Variants in KCNQ5 observed in about 807,000 individuals in gnomAD.
KCNQ5 encodes the protein potassium voltage-gated channel subfamily KQT member 5.
In KCNQ5, 30 loss-of-function variants were observed where a neutral mutation model predicts 98.2. The ratio of observed to expected loss-of-function variants is 0.31; its 90% CI spans 0.23 to 0.41. KCNQ5 has a LOEUF of 0.41. KCNQ5 is among the 10% of genes least tolerant of loss of function. The pLI, the probability that KCNQ5 is intolerant of heterozygous loss-of-function variation, is 1.00. For missense variants in KCNQ5, 835 were observed against 1,182.5 expected (o/e 0.71, Z 4.31); for synonymous variants, 458 against 449.4 (o/e 1.02, Z -0.24).
intron 2 of KCNQ5, among the ~76,000 whole-genome samples, chr6:73,038,011 G>T (rs1046504071): frequency 6.6e-6 from 1 of 151,826 alleles, no homozygotes; most frequent in African/African-American, 2.4e-5. Context: ...TCATAAACAC[G>T]GTATTTCTCC....
intron 2 of KCNQ5, among the ~76,000 whole-genome samples, chr6:73,023,807 T>C (rs1053570375): frequency 5.9e-5 from 9 of 152,198 alleles, no homozygotes; most frequent in African/African-American, 2.2e-4. Context: ...TGGATTAACA[T>C]TGCATTGAGG....
chr6:73,081,175 T>C (rs1367172382), intron 5 of KCNQ5, among the ~76,000 whole-genome samples: 2 of 152,088 alleles, frequency 1.3e-5, no homozygotes, highest in East Asian at 3.9e-4. Context: ...GGCTTGGGAA[T>C]TGGAGGTTGT....
At chr6:73,078,032 G>T in intron 5 of KCNQ5, 145 bp downstream of exon 5, 1 of 616,686 alleles carries the variant, frequency 1.6e-6, no homozygotes. Context: ...ACTTATTATT[G>T]TCTAAAGGCT....
At chr6:72,941,851 C>T (rs922205839) in intron 1 of KCNQ5, among the ~76,000 whole-genome samples, 1 of 151,996 alleles carries the variant, frequency 6.6e-6, no homozygotes, top group Admixed American at 6.6e-5. Flanking sequence ...TTCTGACCCT[C>T]TTATAGTCTA....
At chr6:72,887,055 C>G (rs1003053413) in intron 1 of KCNQ5, among the ~76,000 whole-genome samples, 14 of 151,952 alleles carry the variant, frequency 9.2e-5, no homozygotes, top group African/African-American at 3.1e-4. Flanking sequence ...TTAAAAACTA[C>G]TGTAAAACAA....
At chr6:72,672,731 TA>T (rs1253650106) in intron 1 of KCNQ5, among the ~76,000 whole-genome samples, 1 of 152,188 alleles carries the variant, frequency 6.6e-6, no homozygotes, top group Non-Finnish European at 1.5e-5. Context: ...AAGGACTTTG[TA>T]AAGTATTGAT....
At chr6:73,118,582 T>A (rs890095578) in intron 7 of KCNQ5, among the ~76,000 whole-genome samples, 7 of 152,190 alleles carry the variant, frequency 4.6e-5, no homozygotes, top group Non-Finnish European at 7.4e-5. Context: ...TTTTCCCAAG[T>A]AGTTGTGTGA....
Position 72,680,294 on chromosome 6 carries a change from C to T in KCNQ5, c.398+57707C>T, listed in dbSNP as rs1767641233. ...TAAATGGAATCATGTAATATGTGGC[C>T]CTTTGTGCCTTTTCTTTCACTTAAT... On this transcript the variant is annotated intron_variant, in intron 1 of 13. Transcript: ENST00000370398. Among the ~76,000 whole-genome samples the T allele has an allele frequency of 3.9e-5, 6 of 152,162 alleles. No individual in the cohort carries two copies. In the South Asian group the frequency reaches 1.2e-3, roughly 32 times the overall value.
chr6:72,853,187 C>T (rs1234578830), intron 1 of KCNQ5, among the ~76,000 whole-genome samples: 2 of 152,180 alleles, frequency 1.3e-5, no homozygotes, highest in African/African-American at 4.8e-5. Flanking sequence ...CTTATGTCCC[C>T]TTCTTCCAAT....
chr6:72,969,458 T>C (rs997903506), intron 1 of KCNQ5, among the ~76,000 whole-genome samples: 1 of 152,204 alleles, frequency 6.6e-6, no homozygotes, highest in Admixed American at 6.5e-5. Flanking sequence ...TAATGGTTTG[T>C]CTCAGTCATT....
At chr6:72,762,049 G>A (rs1254453084) in intron 1 of KCNQ5, among the ~76,000 whole-genome samples, 1 of 151,988 alleles carries the variant, frequency 6.6e-6, no homozygotes, top group African/African-American at 2.4e-5. Context: ...TGGGTTAGGG[G>A]TATATCCAGG....
intron 2 of KCNQ5, among the ~76,000 whole-genome samples, chr6:73,031,058 GAGAT>G (rs1283163004): frequency 6.6e-6 from 1 of 152,164 alleles, no homozygotes; most frequent in African/African-American, 2.4e-5. Flanking sequence ...AAGACATTTG[GAGAT>G]TCTGCCTAAA....
chr6:72,776,676 G>A (rs1037849115), intron 1 of KCNQ5, among the ~76,000 whole-genome samples: 3 of 152,142 alleles, frequency 2.0e-5, no homozygotes, highest in Non-Finnish European at 4.4e-5. Context: ...ATAAATTTGT[G>A]GGAGAGCTGG....
intron 10 of KCNQ5, among the ~76,000 whole-genome samples, chr6:73,169,407 C>T (rs1038934720): frequency 2.0e-5 from 3 of 152,236 alleles, no homozygotes; most frequent in Non-Finnish European, 1.5e-5. Context: ...TAACTCCAGA[C>T]AGCTGTCACT....
chr6:72,726,708 GA>G (rs1372865564), intron 1 of KCNQ5, among the ~76,000 whole-genome samples: 2 of 152,070 alleles, frequency 1.3e-5, no homozygotes, highest in African/African-American at 4.8e-5. Flanking sequence ...GTTGAATACA[GA>G]AAAAATTTAA....
At chr6:72,831,581 G>T (rs117249361) in intron 1 of KCNQ5, among the ~76,000 whole-genome samples, 1 of 147,668 alleles carries the variant, frequency 6.8e-6, no homozygotes, top group Non-Finnish European at 1.5e-5. Flanking sequence ...GCCTGTCGTG[G>T]GATGCAGGGA....
chr6:73,176,373 T>C (rs1481142559), intron 11 of KCNQ5, among the ~76,000 whole-genome samples: 1 of 152,222 alleles, frequency 6.6e-6, no homozygotes, highest in Non-Finnish European at 1.5e-5. Context: ...GCTTCCCTTT[T>C]GCCGTCCGCC....
chr6:72,797,161 G>A (rs1774381647), intron 1 of KCNQ5, among the ~76,000 whole-genome samples: 1 of 151,964 alleles, frequency 6.6e-6, no homozygotes, highest in Non-Finnish European at 1.5e-5. Flanking sequence ...ATTCCCGTTA[G>A]AACAGCATAT....
chr6:72,703,961 G>T (rs1389978442), intron 1 of KCNQ5, among the ~76,000 whole-genome samples: 2 of 152,096 alleles, frequency 1.3e-5, no homozygotes, highest in African/African-American at 4.8e-5. Flanking sequence ...CTAATATTTT[G>T]TGCTATACTT....
Sources: gnomAD v4.1 joint callset for allele counts (sites outside exome capture counted in the v4.1 genomes callset) on GRCh38, gnomAD v4.1.1 for gene constraint, MANE v1.5 for transcripts, NCBI Gene and HGNC (gene_info 2026-07-23, HGNC 2026-07-21) for gene names.